SND1: variants seen among roughly 807,000 people sequenced by gnomAD.
SND1 encodes the protein staphylococcal nuclease domain-containing protein 1.
SND1 carries 38 observed loss-of-function variants against 121.7 expected under a neutral mutation model. The ratio of observed to expected loss-of-function variants is 0.31; its 90% CI spans 0.24 to 0.41. The LOEUF is 0.41. SND1 is among the 10% of genes least tolerant of loss of function. SND1 has a pLI of 1.00. For synonymous variants in SND1, 401 were observed against 447.4 expected (o/e 0.90, Z 1.31); for missense variants, 868 against 1,184.6 (o/e 0.73, Z 3.92).
intron 6 of SND1, 148 bp from the exon 7 acceptor site, chr7:127,703,017 A>T (rs1338131706): frequency 1.0e-5 from 8 of 775,432 alleles, no homozygotes; most frequent in Non-Finnish European, 1.7e-5. Context: ...CCTTTTTACC[A>T]GTGTGTTTTA....
rs764645806 is a variant in SND1, at chr7:127,991,002, G to A, written c.1725G>A (p.Glu575=). 6.2e-7 allele frequency: 1 copy of A among 1,614,080 alleles called. No individual in the cohort carries two copies. The highest frequency in any genetic ancestry group is 1.7e-5 in the Admixed American group (1 of 60,020). The change falls in exon 16 of 24, where the codon GAG becomes GAA. Residue 575 remains glutamate, a synonymous_variant. Transcript: ENST00000354725. ...RNLPGLVQEG[E]PFSEEATLFT... The stretch of plus-strand genomic sequence containing the variant: ...TCCCAGGCTTGGTGCAGGAAGGAGA[G>A]CCCTTCAGCGAGGAAGCTACACTTT...
chr7:127,857,161 A>G (rs987723988), intron 12 of SND1, among the ~76,000 whole-genome samples: 5 of 139,066 alleles, frequency 3.6e-5, no homozygotes, highest in Non-Finnish European at 1.6e-5. Flanking sequence ...CTGGTTTCCA[A>G]TTCTTAGGAA....
intron 11 of SND1, among the ~76,000 whole-genome samples, chr7:127,812,111 C>A (rs975436912): frequency 6.6e-6 from 1 of 152,154 alleles, no homozygotes; most frequent in African/African-American, 2.4e-5. Flanking sequence ...TACTCAGATG[C>A]CAATGCTTTT....
chr7:127,975,507 A>C (rs1802099291), intron 15 of SND1, among the ~76,000 whole-genome samples: 1 of 152,030 alleles, frequency 6.6e-6, no homozygotes, highest in South Asian at 2.1e-4. Context: ...GCCAGCAATC[A>C]GAGTAAAAGG....
At chr7:127,720,111 C>T (rs1473687094) in intron 9 of SND1, among the ~76,000 whole-genome samples, 1 of 152,156 alleles carries the variant, frequency 6.6e-6, no homozygotes, top group Non-Finnish European at 1.5e-5. Flanking sequence ...GCTAGAAGAT[C>T]TAAGGCCTTT....
intron 9 of SND1, among the ~76,000 whole-genome samples, chr7:127,712,509 T>A (rs546229867): frequency 2.0e-5 from 3 of 152,154 alleles, no homozygotes; most frequent in Non-Finnish European, 4.4e-5. Flanking sequence ...TTTGAAACCA[T>A]CCATCATTTT....
intron 14 of SND1, among the ~76,000 whole-genome samples, chr7:127,922,175 C>CTTTTTTTTTTTTTTTTTTTTCTTTTT (rs1800722398): frequency 1.7e-5 from 1 of 57,176 alleles, no homozygotes; most frequent in Non-Finnish European, 3.0e-5. Context: ...TTTTTCTTTC[C>CTTTTTTTTTTTTTTTTTTTTCTTTTT]TTTTTTTTTT....
At chr7:127,985,555 G>T (rs1311516983) in intron 15 of SND1, among the ~76,000 whole-genome samples, 1 of 152,202 alleles carries the variant, frequency 6.6e-6, no homozygotes, top group Admixed American at 6.5e-5. Flanking sequence ...ACTGTGCCCG[G>T]CCATGTACTA....
At chr7:128,064,028 T>C (rs1253804367) in intron 16 of SND1, among the ~76,000 whole-genome samples, 2 of 152,184 alleles carry the variant, frequency 1.3e-5, no homozygotes, top group African/African-American at 2.4e-5. Context: ...AAGGGTGAAG[T>C]GATCAGATTG....
intron 15 of SND1, among the ~76,000 whole-genome samples, chr7:127,956,150 A>G (rs1480961185): frequency 6.6e-6 from 1 of 152,142 alleles, no homozygotes; most frequent in Non-Finnish European, 1.5e-5. Flanking sequence ...GTTTATCTCC[A>G]TATGCCCAAT....
Position 127,702,469 on chromosome 7 carries a change from C to T in SND1, c.624C>T (p.Val208=). 3 of 1,614,112 alleles carry T rather than the reference C, an allele frequency of 1.9e-6. No individual in the cohort carries two copies. Among genetic ancestry groups the T allele is most frequent in the Non-Finnish European group, 2.5e-6 (3 of 1,179,988 alleles). ...AGCATGTGCGGGACGGCAGTGTGGT[C>T]AGGGCCCTGCTCCTCCCAGATTACT... ...IIEHVRDGSV[V]RALLLPDYYL... Residue 208 remains valine (V), a synonymous_variant, in exon 6 of 24, where the codon GTC becomes GTT. Transcript: ENST00000354725.
Position 127,904,753 on chromosome 7 carries a change from T to A in SND1, c.1461T>A (p.Ile487=), listed in dbSNP as rs766484531. 1.9e-6 allele frequency: 3 copies of A among 1,607,656 alleles called. No homozygotes were observed. The highest frequency in any genetic ancestry group is 3.3e-5 in the Admixed American group (2 of 59,990). ...DELLAAEARA[I]KNGKGLHSKK... The stretch of plus-strand genomic sequence containing the variant: ...TTCTCTTCTTCCTTAACAGAGCTAT[T>A]AAGAATGGCAAAGGATTGCATAGCA... The change falls in exon 14 of 24, where the codon ATT becomes ATA. Residue 487 remains isoleucine, a synonymous_variant. Coordinates refer to ENST00000354725, the MANE Select transcript of SND1 (RefSeq NM_014390.4).
chr7:127,725,434 C>G (rs1796565845), intron 10 of SND1, among the ~76,000 whole-genome samples: 1 of 152,212 alleles, frequency 6.6e-6, no homozygotes, highest in Admixed American at 6.5e-5. Context: ...TCCGCTTTGC[C>G]AGGTACCCTT....
At chr7:127,719,462 G>A (rs186836510) in intron 9 of SND1, among the ~76,000 whole-genome samples, 19 of 152,250 alleles carry the variant, frequency 1.2e-4, no homozygotes, top group Admixed American at 1.0e-3. Flanking sequence ...AGCTAGCCCT[G>A]ACCTTGGTCC....
intron 16 of SND1, among the ~76,000 whole-genome samples, chr7:128,034,351 C>T (rs886982583): frequency 1.3e-5 from 2 of 152,160 alleles, no homozygotes; most frequent in Non-Finnish European, 2.9e-5. Context: ...GGGTTTAGTT[C>T]CATCTGGGCA....
chr7:127,865,343 G>T (rs952463113), intron 12 of SND1, among the ~76,000 whole-genome samples: 1 of 152,184 alleles, frequency 6.6e-6, no homozygotes, highest in Non-Finnish European at 1.5e-5. Flanking sequence ...AGGAAATGTG[G>T]CTCAGAGCAT....
intron 3 of SND1, among the ~76,000 whole-genome samples, chr7:127,696,960 G>C (rs547829160): frequency 2.0e-5 from 3 of 152,218 alleles, no homozygotes; most frequent in East Asian, 3.9e-4. Flanking sequence ...TTTCACTAAG[G>C]TATTTTAACT....
intron 11 of SND1, among the ~76,000 whole-genome samples, chr7:127,821,560 G>C (rs1292343490): frequency 6.6e-6 from 1 of 151,894 alleles, no homozygotes; most frequent in Non-Finnish European, 1.5e-5. Context: ...TTTTACATTG[G>C]GATGATTTCT....
chr7:127,750,689 G>T (rs564165878), intron 10 of SND1, among the ~76,000 whole-genome samples: 5 of 152,062 alleles, frequency 3.3e-5, no homozygotes, highest in East Asian at 1.9e-4. Flanking sequence ...CATTTCCTTC[G>T]TGTGTCATGT....
Sources: allele counts gnomAD v4.1 joint callset (sites outside exome capture counted in the v4.1 genomes callset), GRCh38; gene constraint gnomAD v4.1.1; transcripts MANE v1.5; gene names NCBI Gene and HGNC (gene_info 2026-07-23, HGNC 2026-07-21).